The following NR6A1 variants were observed in gnomAD, a reference collection of about 807,000 sequenced individuals.
The protein encoded by NR6A1 is retinoic acid receptor-related testis-associated receptor.
Under a neutral mutation model 59.1 loss-of-function variants are expected in NR6A1, and 7 were observed. That is an observed-to-expected ratio of 0.12 (90% CI 0.07 to 0.22). The LOEUF (loss-of-function observed/expected upper bound fraction) is 0.22, where lower values mean the gene tolerates loss of function less well. Ranked by LOEUF, NR6A1 falls within the 10% of genes least tolerant of loss-of-function variation. NR6A1 has a pLI of 1.00. For synonymous variants in NR6A1, 243 were observed against 236.1 expected (o/e 1.03, Z -0.27); for missense variants, 468 against 611.6 (o/e 0.77, Z 2.48).
chr9:124,735,075 C>T (rs996977320), intron 1 of NR6A1, among the ~76,000 whole-genome samples: 5 of 152,166 alleles, frequency 3.3e-5, no homozygotes, highest in African/African-American at 4.8e-5. Context: ...AACTCCTGAC[C>T]TCAAGTGATC....
chr9:124,677,366 C>T (rs538125533), intron 2 of NR6A1, among the ~76,000 whole-genome samples: 35 of 152,188 alleles, frequency 2.3e-4, no homozygotes, highest in African/African-American at 8.4e-4. Context: ...TCAAGTGATC[C>T]TCCTGCCTCA....
chr9:124,683,248 G>GGAAAAT (rs1432410936), intron 2 of NR6A1, among the ~76,000 whole-genome samples: 1 of 134,626 alleles, frequency 7.4e-6, no homozygotes, highest in Non-Finnish European at 1.5e-5. Flanking sequence ...AAAAGGAAAA[G>GGAAAAT]GAAAAGGAAA....
intron 2 of NR6A1, among the ~76,000 whole-genome samples, chr9:124,582,389 G>A (rs1588684831): frequency 1.3e-5 from 2 of 152,114 alleles, no homozygotes; most frequent in African/African-American, 4.8e-5. Context: ...CACATAGAGG[G>A]GAACAACACA....
chr9:124,573,403 C>A (rs183948849), intron 2 of NR6A1, among the ~76,000 whole-genome samples: 1 of 152,276 alleles, frequency 6.6e-6, no homozygotes, highest in Admixed American at 6.5e-5. Context: ...TTATTAAGTT[C>A]TTCCTTATTC....
chr9:124,750,674 G>A (rs1008981333), intron 1 of NR6A1, among the ~76,000 whole-genome samples: 7 of 151,884 alleles, frequency 4.6e-5, no homozygotes, highest in African/African-American at 1.5e-4. Flanking sequence ...GCAGGAGAAT[G>A]GCGTGAACCC....
intron 2 of NR6A1, among the ~76,000 whole-genome samples, chr9:124,657,021 A>G (rs144439773): frequency 9.2e-5 from 14 of 152,292 alleles, no homozygotes; most frequent in African/African-American, 3.4e-4. Flanking sequence ...ACTTAACACC[A>G]CAGAACTATA....
intron 1 of NR6A1, among the ~76,000 whole-genome samples, chr9:124,754,676 A>ACTGT (rs1840590587): frequency 3.3e-5 from 5 of 152,232 alleles, no homozygotes; most frequent in Admixed American, 3.3e-4. Context: ...GATTCAGCAA[A>ACTGT]CTGTCTTTTA....
rs114548091 is a variant in NR6A1, at chr9:124,703,037, T to C, written c.142+30271A>G. Among the ~76,000 whole-genome samples, 232 of 151,876 alleles carry C rather than the reference T, an allele frequency of 1.5e-3. 4 individuals carry two copies. The highest frequency in any genetic ancestry group is 5.3e-3 in the African/African-American group (221 of 41,388). On this transcript the variant is annotated intron_variant, in intron 2 of 9. Coordinates refer to ENST00000487099, the MANE Select transcript of NR6A1 (RefSeq NM_033334.4). ...CCTCAGCCTCAGCCTCCTGAGTAGC[T>C]GAAATTACAGACAAACACAAACATG... is the stretch of plus-strand genomic sequence containing the variant.
At position 124,522,676 on chromosome 9, in the gene NR6A1, G is replaced by A; in HGVS notation, c.*29C>T. ...TGTCCTGCCCACCCAAGACGCTGTGGTTGGCCTGAGGAGGGCGCCTGGAAC... is the reference window on the plus strand; with the variant it reads ...TGTCCTGCCCACCCAAGACGCTGTGATTGGCCTGAGGAGGGCGCCTGGAAC... On this transcript the variant is annotated 3_prime_UTR_variant, in exon 10 of 10. Coordinates refer to ENST00000487099, the MANE Select transcript of NR6A1 (RefSeq NM_033334.4). 1 of 1,541,924 alleles carries A rather than the reference G, an allele frequency of 6.5e-7. No homozygotes were observed. Among genetic ancestry groups the A allele is most frequent in the Non-Finnish European group, 8.8e-7 (1 of 1,139,032 alleles).
intron 2 of NR6A1, among the ~76,000 whole-genome samples, chr9:124,648,348 T>C (rs1255095536): frequency 1.3e-5 from 2 of 151,950 alleles, no homozygotes; most frequent in Non-Finnish European, 2.9e-5. Context: ...AATAAATAAA[T>C]AAATAAAATA....
intron 5 of NR6A1, among the ~76,000 whole-genome samples, 178 bp from the exon 6 acceptor site, chr9:124,538,497 G>C (rs1377441018): frequency 6.6e-6 from 1 of 152,182 alleles, no homozygotes; most frequent in South Asian, 2.1e-4. Flanking sequence ...CCATCTGTAA[G>C]ACAAAGACTC....
Position 124,543,844 on chromosome 9 carries a change from A to G in NR6A1, c.399T>C (p.Asp133=), listed in dbSNP as rs754796493. The G allele has an allele frequency of 6.2e-6, 10 of 1,613,668 alleles. No individual in the cohort carries two copies. Among genetic ancestry groups the G allele is most frequent in the Non-Finnish European group, 8.5e-6 (10 of 1,179,888 alleles). The change falls in exon 4 of 10, where the codon GAT becomes GAC. Residue 133 remains aspartate (D), a synonymous_variant. Transcript: ENST00000487099. ...TCTTATTCCGGCCTCCAGGCATGCC[A>G]TCTTCTCTGATAGCTGGAAGGAAAG... ...MGMNRKAIRE[D]GMPGGRNKSI...
chr9:124,755,882 A>T (rs1386943913), intron 1 of NR6A1, among the ~76,000 whole-genome samples: 11 of 152,212 alleles, frequency 7.2e-5, no homozygotes, highest in Admixed American at 7.2e-4. Flanking sequence ...CTGATTCCCC[A>T]CTGGGTTCAA....
intron 2 of NR6A1, among the ~76,000 whole-genome samples, chr9:124,702,065 G>A (rs1838975927): frequency 6.6e-6 from 1 of 152,128 alleles, no homozygotes. Flanking sequence ...CCCACAATCT[G>A]AAGTTTTCCC....
chr9:124,733,194 A>G, intron 2 of NR6A1, 114 bp downstream of exon 2: 1 of 764,818 alleles, frequency 1.3e-6, no homozygotes, highest in South Asian at 1.6e-5. Flanking sequence ...AGTGAAATAA[A>G]ATCTGAGAGT....
chr9:124,756,108 T>G (rs1840624959), intron 1 of NR6A1, among the ~76,000 whole-genome samples: 1 of 152,212 alleles, frequency 6.6e-6, no homozygotes, highest in Non-Finnish European at 1.5e-5. Context: ...ATTTCTGATC[T>G]TCAATGTACA....
chr9:124,699,334 GGCCTTTTCT>G (rs1838864225), intron 2 of NR6A1, among the ~76,000 whole-genome samples: 1 of 152,174 alleles, frequency 6.6e-6, no homozygotes, highest in Non-Finnish European at 1.5e-5. Flanking sequence ...GTTAAAAGAA[GGCCTTTTCT>G]GCATGTAAGT....
intron 2 of NR6A1, among the ~76,000 whole-genome samples, chr9:124,645,685 AC>A (rs1836910761): frequency 2.0e-5 from 3 of 152,170 alleles, no homozygotes; most frequent in Non-Finnish European, 4.4e-5. Flanking sequence ...AGATAAATCC[AC>A]CCTCTATCAA....
chr9:124,633,179 C>T (rs955924492), intron 2 of NR6A1, among the ~76,000 whole-genome samples: 22 of 151,920 alleles, frequency 1.4e-4, no homozygotes, highest in Non-Finnish European at 2.9e-4. Context: ...CCAAGGCGAG[C>T]GGATCACCAG....
Sources: gnomAD v4.1 joint callset for allele counts (sites outside exome capture counted in the v4.1 genomes callset) on GRCh38, gnomAD v4.1.1 for gene constraint, MANE v1.5 for transcripts, NCBI Gene and HGNC (gene_info 2026-07-23, HGNC 2026-07-21) for gene names.